Variants in POLR3B observed in about 807,000 individuals in gnomAD.
POLR3B encodes the protein DNA-directed RNA polymerase III subunit RPC2.
POLR3B carries 96 observed loss-of-function variants against 147.4 expected under a neutral mutation model. That is an observed-to-expected ratio of 0.65 (90% CI 0.55 to 0.77). The LOEUF is 0.77. POLR3B is among the 30% of genes least tolerant of loss of function. The pLI is 0.00. For missense variants in POLR3B, 1,036 were observed against 1,413.5 expected, an observed-to-expected ratio of 0.73 and a Z score of 4.28; for synonymous variants, 461 against 485.9, an observed-to-expected ratio of 0.95 and a Z score of 0.67.
At chr12:106,505,949 C>T (rs976505466) in intron 27 of POLR3B, among the ~76,000 whole-genome samples, 8 of 152,166 alleles carry the variant, frequency 5.3e-5, no homozygotes, top group Non-Finnish European at 1.2e-4. Flanking sequence ...AACTTTCTGG[C>T]CAGTTATTTC....
intron 9 of POLR3B, among the ~76,000 whole-genome samples, chr12:106,387,143 TAC>T (rs1210517579): frequency 6.6e-6 from 1 of 152,222 alleles, no homozygotes; most frequent in African/African-American, 2.4e-5. Flanking sequence ...AAAGTATATC[TAC>T]ATTTTTGGAT....
intron 23 of POLR3B, among the ~76,000 whole-genome samples, chr12:106,480,459 C>A (rs1332552587): frequency 6.6e-6 from 1 of 152,154 alleles, no homozygotes; most frequent in African/African-American, 2.4e-5. Flanking sequence ...GTGCTTAAGG[C>A]TGTCAGCTGA....
rs374716530 is a variant in POLR3B, at chr12:106,389,449, G to A, written c.724-3582G>A. Among the ~76,000 whole-genome samples, 136 of 152,294 alleles carry A rather than the reference G, an allele frequency of 8.9e-4. 3 individuals carry two copies. In the East Asian group the frequency reaches 0.017, roughly 19 times the overall value. On this transcript the variant is annotated intron_variant, in intron 9 of 27. Transcript: ENST00000228347. Reference sequence around the variant, plus strand: ...TTTAGATCCCTGTTAGGACATTTGAGAATTTTATGCAGTTATGAAATCACC... The same window carrying A: ...TTTAGATCCCTGTTAGGACATTTGAAAATTTTATGCAGTTATGAAATCACC...
intron 6 of POLR3B, 21 bp from the exon 7 acceptor site, chr12:106,376,335 TTTC>T: frequency 6.5e-7 from 1 of 1,530,748 alleles, no homozygotes; most frequent in Non-Finnish European, 9.0e-7. Context: ...CATGTGATAT[TTTC>T]TTTTGTTTTA....
chr12:106,486,009 G>C (rs1222352322), intron 23 of POLR3B, among the ~76,000 whole-genome samples: 1 of 152,022 alleles, frequency 6.6e-6, no homozygotes, highest in Non-Finnish European at 1.5e-5. Flanking sequence ...AAGGAGATTG[G>C]CCAGGCGCGG....
chr12:106,434,245 G>A (rs1316557965), intron 16 of POLR3B, among the ~76,000 whole-genome samples: 1 of 152,180 alleles, frequency 6.6e-6, no homozygotes, highest in Admixed American at 6.5e-5. Context: ...AAGAAATGAG[G>A]AAACTGAGGT....
At chr12:106,383,245 C>G (rs1040729163) in intron 9 of POLR3B, among the ~76,000 whole-genome samples, 1 of 152,174 alleles carries the variant, frequency 6.6e-6, no homozygotes. Context: ...ATCCAGACCA[C>G]TAAAACCATC....
intron 9 of POLR3B, among the ~76,000 whole-genome samples, chr12:106,381,459 G>A (rs1319649715): frequency 6.6e-6 from 1 of 152,106 alleles, no homozygotes; most frequent in Non-Finnish European, 1.5e-5. Context: ...TCTTCACCAG[G>A]ATTAGATTCC....
At chr12:106,407,069 G>A (rs1441015478) in intron 11 of POLR3B, among the ~76,000 whole-genome samples, 1 of 152,120 alleles carries the variant, frequency 6.6e-6, no homozygotes, top group Non-Finnish European at 1.5e-5. Context: ...CTCTCATTCT[G>A]CCCCTTGGCT....
chr12:106,385,341 T>C (rs2036821303), intron 9 of POLR3B, among the ~76,000 whole-genome samples: 1 of 152,204 alleles, frequency 6.6e-6, no homozygotes, highest in South Asian at 2.1e-4. Flanking sequence ...AAATGAATCT[T>C]GATAACCAGT....
intron 16 of POLR3B, among the ~76,000 whole-genome samples, chr12:106,435,150 C>G (rs967867829): frequency 6.7e-6 from 1 of 149,254 alleles, no homozygotes; most frequent in Non-Finnish European, 1.5e-5. Context: ...TTTTTTGAGA[C>G]AGAGTCTCAC....
intron 10 of POLR3B, 123 bp from the exon 11 acceptor site, chr12:106,405,734 A>G: frequency 1.1e-6 from 1 of 900,442 alleles, no homozygotes; most frequent in Non-Finnish European, 1.8e-6. Flanking sequence ...AACTAGACCC[A>G]GTACAGCTTT....
rs199743272 is a variant in POLR3B at position 106,454,677 on chromosome 12, T to C, written c.2259T>C (p.Asp753=). 48 of 1,609,974 alleles carry C rather than the reference T, an allele frequency of 3.0e-5. 1 individual carries two copies. In the South Asian group the frequency reaches 3.7e-4, roughly 13 times the overall value. The change falls in exon 20 of 28, where the codon GAT becomes GAC. Residue 753 remains aspartate (D), a synonymous_variant. Coordinates refer to ENST00000228347, the MANE Select transcript of POLR3B (RefSeq NM_018082.6). ...VMSYSGYDIE[D]ALVLNKASLD... The stretch of plus-strand genomic sequence containing the variant: ...GCTATAGTGGCTATGATATTGAAGA[T>C]GCTCTTGTTTTAAACAAGGCCTCTT...
chr12:106,424,178 A>G (rs2037407449), intron 12 of POLR3B, among the ~76,000 whole-genome samples: 2 of 151,660 alleles, frequency 1.3e-5, no homozygotes, highest in Admixed American at 1.3e-4. Context: ...TAACATATAT[A>G]TATATTCCTC....
At chr12:106,360,794 C>T (rs192094291) in intron 1 of POLR3B, among the ~76,000 whole-genome samples, 7 of 152,300 alleles carry the variant, frequency 4.6e-5, no homozygotes, top group African/African-American at 1.7e-4. Context: ...AGGGTTTATA[C>T]AAGTTCAAAA....
At chr12:106,400,602 G>A (rs1290201422) in intron 10 of POLR3B, among the ~76,000 whole-genome samples, 2 of 152,162 alleles carry the variant, frequency 1.3e-5, no homozygotes, top group Non-Finnish European at 2.9e-5. Context: ...AAATGTAAAA[G>A]AACAGAAATT....
At chr12:106,388,220 A>G (rs1041413653) in intron 9 of POLR3B, among the ~76,000 whole-genome samples, 8 of 152,172 alleles carry the variant, frequency 5.3e-5, no homozygotes, top group Admixed American at 2.0e-4. Context: ...TGCTGCCTGC[A>G]CTTATGATGG....
At chr12:106,431,068 T>G (rs1343556007) in intron 14 of POLR3B, among the ~76,000 whole-genome samples, 2 of 152,210 alleles carry the variant, frequency 1.3e-5, no homozygotes, top group Non-Finnish European at 2.9e-5. Context: ...TGTAAAATTC[T>G]GGAGGAAGGA....
At position 106,509,674 on chromosome 12, in the gene POLR3B, C is replaced by CA. The variant is rs200331241; in HGVS notation, c.*134dup. 5.2e-3 allele frequency: 4,464 copies of CA among 850,472 alleles called. 11 individuals carry two copies. Among genetic ancestry groups the CA allele is most frequent in the Non-Finnish European group, 6.4e-3 (3,543 of 549,418 alleles). 52.7% of individuals were successfully genotyped at this position (850,472 alleles called of 1,614,324 possible). ...TTGCGTATTCTCTCTCTAAAACAACCAAAAAAAAATGGAGAGGCTTTTTAT... is the reference window on the plus strand; with the variant it reads ...TTGCGTATTCTCTCTCTAAAACAACCAAAAAAAAAATGGAGAGGCTTTTTAT... On this transcript the variant is annotated 3_prime_UTR_variant, in exon 28 of 28. Coordinates refer to ENST00000228347, the MANE Select transcript of POLR3B (RefSeq NM_018082.6).
Sources: gnomAD v4.1 joint callset for allele counts (sites outside exome capture counted in the v4.1 genomes callset) on GRCh38, gnomAD v4.1.1 for gene constraint, MANE v1.5 for transcripts, NCBI Gene and HGNC (gene_info 2026-07-23, HGNC 2026-07-21) for gene names.